The following PRELID2 variants were observed in gnomAD, a reference collection of about 807,000 sequenced individuals.
PRELID2 encodes the protein PRELI domain containing 2.
Under a neutral mutation model 28.4 loss-of-function variants are expected in PRELID2, and 25 were observed. The ratio of observed to expected loss-of-function variants is 0.88; its 90% CI spans 0.64 to 1.23. The LOEUF (loss-of-function observed/expected upper bound fraction) is 1.23. Ranked by LOEUF, PRELID2 falls within the 50% of genes most tolerant of loss-of-function variation. PRELID2 has a pLI of 0.00. For synonymous variants in PRELID2, 76 were observed against 71.6 expected, an observed-to-expected ratio of 1.06 and a Z score of -0.31; for missense variants, 201 against 214.4, an observed-to-expected ratio of 0.94 and a Z score of 0.39.
chr5:145,518,631 G>T (rs1202596029), intron 1 of PRELID2, among the ~76,000 whole-genome samples: 1 of 152,220 alleles, frequency 6.6e-6, no homozygotes, highest in Admixed American at 6.5e-5. Flanking sequence ...AACATTTATG[G>T]TTATCAGTCA....
intron 1 of PRELID2, among the ~76,000 whole-genome samples, chr5:145,828,508 G>C (rs1453525213): frequency 6.6e-6 from 1 of 152,246 alleles, no homozygotes; most frequent in East Asian, 1.9e-4. Flanking sequence ...AGAAGCTCGT[G>C]CTTTACCAGT....
the PRELID2 span, among the ~76,000 whole-genome samples, chr5:145,427,962 T>A: frequency 6.6e-6 from 1 of 152,114 alleles, no homozygotes; most frequent in Non-Finnish European, 1.5e-5. Flanking sequence ...ATTTCTTTCT[T>A]TCTTTCTTTT....
intron 1 of PRELID2, among the ~76,000 whole-genome samples, chr5:145,697,227 A>T (rs940383101): frequency 1.3e-5 from 2 of 151,614 alleles, no homozygotes; most frequent in South Asian, 2.1e-4. Flanking sequence ...ATATATGTAG[A>T]TAGATAGAGA....
At chr5:145,231,049 T>A in the PRELID2 span, among the ~76,000 whole-genome samples, 1 of 152,150 alleles carries the variant, frequency 6.6e-6, no homozygotes, top group Non-Finnish European at 1.5e-5. Flanking sequence ...CGTCACTAAA[T>A]ACAACCCACA....
At chr5:145,421,540 CCT>C in the PRELID2 span, among the ~76,000 whole-genome samples, 14 of 145,938 alleles carry the variant, frequency 9.6e-5, no homozygotes, top group African/African-American at 3.5e-4. Flanking sequence ...TGTAGTATTC[CCT>C]GATGGTAGTT....
downstream of PRELID2, among the ~76,000 whole-genome samples, chr5:145,471,174 C>T (rs1253227084): frequency 2.0e-5 from 3 of 152,064 alleles, no homozygotes; most frequent in Admixed American, 2.0e-4. Context: ...GCTCCTCCCC[C>T]AACATCCAGG....
rs371683737 is a variant in PRELID2, at chr5:145,567,260, T to C, written n.71-93945A>G. Among the ~76,000 whole-genome samples the C allele has an allele frequency of 3.3e-5, 5 of 152,162 alleles. No homozygotes were observed. The East Asian group carries it at 7.7e-4, about 23-fold the overall frequency. On this transcript the variant is annotated intron_variant and non_coding_transcript_variant, in intron 1 of 2. Coordinates refer to the PRELID2 transcript ENST00000510259. ...CCCAAATCTCAAATTGTAATCCCCA[T>C]GTGTCAAGAGAAGAAAGTGATTGAA... is the stretch of plus-strand genomic sequence containing the variant.
the PRELID2 span, chr5:145,229,709 G>T: frequency 1.3e-6 from 1 of 757,334 alleles, no homozygotes; most frequent in South Asian, 1.3e-5. Flanking sequence ...TAGACATCAA[G>T]GTCTTCACCA....
chr5:145,349,933 G>A, the PRELID2 span, among the ~76,000 whole-genome samples: 12 of 152,074 alleles, frequency 7.9e-5, no homozygotes. Flanking sequence ...CAATTATTAA[G>A]CTCATATTAT....
intron 1 of PRELID2, among the ~76,000 whole-genome samples, chr5:145,741,499 T>TAG (rs1756745129): frequency 2.4e-5 from 3 of 123,046 alleles, no homozygotes; most frequent in African/African-American, 1.0e-4. Flanking sequence ...AAATTATATA[T>TAG]AAAATTTATT....
chr5:145,299,907 G>C, the PRELID2 span, among the ~76,000 whole-genome samples: 1 of 152,006 alleles, frequency 6.6e-6, no homozygotes, highest in Non-Finnish European at 1.5e-5. Context: ...AGACAGGATA[G>C]ATACATGATT....
the PRELID2 span, among the ~76,000 whole-genome samples, chr5:145,454,387 T>C: frequency 1.3e-5 from 2 of 152,166 alleles, no homozygotes; most frequent in Non-Finnish European, 2.9e-5. Flanking sequence ...GGATGCCCTC[T>C]CTCACCACTC....
rs1290303725 is a variant in PRELID2 at position 145,741,917 on chromosome 5, TAAAC to T, written n.70+23010_70+23013del. 4.7e-3 allele frequency among the ~76,000 whole-genome samples: 540 copies of T among 115,080 alleles called. 5 individuals are homozygous for T. The highest frequency in any genetic ancestry group is 0.017 in the African/African-American group (506 of 29,338). 75.5% of individuals were successfully genotyped at this position (115,080 alleles called of 152,430 possible). A position where few individuals can be genotyped will look rare whatever the true frequency, so the allele number is the denominator to read the frequency against. On this transcript the variant is annotated intron_variant and non_coding_transcript_variant, in intron 1 of 2. Transcript: ENST00000510259. The stretch of plus-strand genomic sequence containing the variant: ...AATTTAATTTAAATTTATATATAAA[TAAAC>T]AAATAAATTTATTATAAATAAATAA...
intron 4 of PRELID2, among the ~76,000 whole-genome samples, chr5:145,802,437 C>A (rs747256553): frequency 6.6e-6 from 1 of 151,744 alleles, no homozygotes; most frequent in African/African-American, 2.4e-5. Flanking sequence ...GACTAGCGCA[C>A]GGTAGGAAAT....
intron 1 of PRELID2, among the ~76,000 whole-genome samples, chr5:145,632,658 A>G (rs1753948688): frequency 6.6e-6 from 1 of 152,194 alleles, no homozygotes; most frequent in African/African-American, 2.4e-5. Context: ...TGTGACTGGA[A>G]AAATTCTAAG....
Position 145,646,844 on chromosome 5 carries a change from G to A in PRELID2, n.70+118087C>T, listed in dbSNP as rs544815371. 9.1e-4 allele frequency among the ~76,000 whole-genome samples: 139 copies of A among 152,276 alleles called. 2 individuals carry two copies. Among genetic ancestry groups the A allele is most frequent in the African/African-American group, 3.2e-3 (134 of 41,550 alleles). The stretch of plus-strand genomic sequence containing the variant: ...CCCTGTTTGCCTGCGTATCACCAGC[G>A]GAGGCTGCAGTACAGCATAGATTGC... On this transcript the variant is annotated intron_variant and non_coding_transcript_variant, in intron 1 of 2. Coordinates refer to the PRELID2 transcript ENST00000510259.
chr5:145,756,759 C>G lies in PRELID2; in HGVS notation c.*3777G>C, dbSNP rs532160222. On this transcript the variant is annotated 3_prime_UTR_variant, in exon 7 of 7. Coordinates refer to ENST00000683046, the MANE Select transcript of PRELID2 (RefSeq NM_205846.3). ...CAAAACCTCATTCAAATCCTCTCTA[C>G]TCTTATTCAACATATAGTATGCAGT... Among the ~76,000 whole-genome samples the G allele has an allele frequency of 7.9e-5, 12 of 152,162 alleles. No individual in the cohort carries two copies. The highest frequency in any genetic ancestry group is 7.2e-4 in the Admixed American group (11 of 15,266).
intron 1 of PRELID2, among the ~76,000 whole-genome samples, chr5:145,673,689 G>C (rs1754756943): frequency 6.6e-6 from 1 of 151,902 alleles, no homozygotes. Flanking sequence ...ACACATCTGA[G>C]AGACACATGC....
the PRELID2 span, among the ~76,000 whole-genome samples, chr5:145,436,356 C>T: frequency 3.0e-3 from 452 of 152,144 alleles, 19 homozygotes; most frequent in East Asian, 0.078. Context: ...TAGGTTGATT[C>T]CATGTCTTTA....
Sources: gnomAD v4.1 joint callset for allele counts (sites outside exome capture counted in the v4.1 genomes callset) on GRCh38, gnomAD v4.1.1 for gene constraint, MANE v1.5 for transcripts, NCBI Gene and HGNC (gene_info 2026-07-23, HGNC 2026-07-21) for gene names.